CTHRC1: variants seen among roughly 807,000 people sequenced by gnomAD.
CTHRC1 encodes collagen triple helix repeat containing 1.
In CTHRC1, 21 loss-of-function variants were observed where a neutral mutation model predicts 25.9. The observed-to-expected ratio is 0.81, with a 90% CI of 0.57 to 1.17. CTHRC1 has a LOEUF of 1.17. Among genes scored for constraint, CTHRC1 ranks in the 50% most tolerant of loss-of-function variants. The probability of loss-of-function intolerance (pLI) is 0.00; values close to 1 mark genes in which losing one functional copy is unlikely to be tolerated. For missense variants in CTHRC1, 281 were observed against 304.3 expected (o/e 0.92, Z 0.57); for synonymous variants, 109 against 113.1 (o/e 0.96, Z 0.23).
chr8:103,376,723 T>C (rs1815812419), intron 2 of CTHRC1, among the ~76,000 whole-genome samples: 1 of 152,188 alleles, frequency 6.6e-6, no homozygotes, highest in African/African-American at 2.4e-5. Flanking sequence ...CATCAAGCAA[T>C]TACAAGAAAT....
Position 103,382,590 on chromosome 8 carries a change from T to C in CTHRC1, c.722T>C (p.Leu241Pro). The change falls in exon 4 of 4, where the codon CTA becomes CCA. Residue 241 changes from leucine (L) to proline (P), a missense_variant. Physicochemically the swap from Leu to Pro is moderately conservative, Grantham distance 98. Transcript: ENST00000330295. ...NSVSRIIIEE[L>P]PK The stretch of plus-strand genomic sequence containing the variant: ...GTTTCTCGCATCATTATTGAAGAAC[T>C]ACCAAAATAAATGCTTTAATTTTCA... The C allele has an allele frequency of 6.2e-7, 1 of 1,612,848 alleles. No homozygotes were observed. Among genetic ancestry groups the C allele is most frequent in the Non-Finnish European group, 8.5e-7 (1 of 1,178,918 alleles).
At chr8:103,377,957 C>A in intron 2 of CTHRC1, 70 bp from the exon 3 acceptor site, 1 of 1,273,032 alleles carries the variant, frequency 7.9e-7, no homozygotes, top group Non-Finnish European at 1.1e-6. Flanking sequence ...GTAAAATTCA[C>A]CAGTCTCAAA....
At chr8:103,379,717 G>A (rs1360866661) in intron 3 of CTHRC1, among the ~76,000 whole-genome samples, 1 of 152,152 alleles carries the variant, frequency 6.6e-6, no homozygotes. Context: ...AAAAATGGTT[G>A]AGGGGAGGGA....
chr8:103,371,827 C>T (rs1815710000), intron 1 of CTHRC1, 21 bp downstream of exon 1: 4 of 1,481,464 alleles, frequency 2.7e-6, no homozygotes, highest in Non-Finnish European at 3.6e-6. Context: ...GGGAGCCGAG[C>T]CGGGACCGCC....
At chr8:103,382,430 A>G (rs1258219345) in intron 3 of CTHRC1, 28 bp from the exon 4 acceptor site, 2 of 1,612,790 alleles carry the variant, frequency 1.2e-6, no homozygotes, top group African/African-American at 2.7e-5. Flanking sequence ...TTCTAAAGAA[A>G]GATGTAACTT....
chr8:103,381,472 T>C (rs575987865), intron 3 of CTHRC1, among the ~76,000 whole-genome samples: 2 of 72,448 alleles, frequency 2.8e-5, no homozygotes, highest in South Asian at 4.6e-4. Flanking sequence ...TTTTTTTTTT[T>C]AATTTAAGAG....
At chr8:103,381,772 G>A (rs1815915761) in intron 3 of CTHRC1, among the ~76,000 whole-genome samples, 1 of 152,164 alleles carries the variant, frequency 6.6e-6, no homozygotes, top group South Asian at 2.1e-4. Context: ...GCCGAAGTGG[G>A]TAAATCACGA....
chr8:103,372,789 C>G (rs758065888), intron 1 of CTHRC1: 31 of 631,732 alleles, frequency 4.9e-5, no homozygotes, highest in Non-Finnish European at 6.8e-5. Flanking sequence ...AAACTTCAGT[C>G]TCACTTGCAG....
chr8:103,375,016 G>T (rs1231005000), intron 1 of CTHRC1, among the ~76,000 whole-genome samples: 3 of 152,130 alleles, frequency 2.0e-5, no homozygotes, highest in Non-Finnish European at 4.4e-5. Context: ...ATTGTGGATG[G>T]TCCCCTATTG....
At chr8:103,380,759 G>A (rs1332347195) in intron 3 of CTHRC1, among the ~76,000 whole-genome samples, 3 of 152,218 alleles carry the variant, frequency 2.0e-5, no homozygotes, top group African/African-American at 7.2e-5. Flanking sequence ...GTAGGGGGAA[G>A]TGAACAAGTT....
chr8:103,371,899 G>A, intron 1 of CTHRC1, 93 bp downstream of exon 1: 3 of 1,278,780 alleles, frequency 2.3e-6, no homozygotes, highest in East Asian at 5.7e-5. Context: ...GGCTGTTGGG[G>A]GTGTCTGTCT....
At chr8:103,382,372 AC>A in intron 3 of CTHRC1, 85 bp from the exon 4 acceptor site, 1 of 1,391,724 alleles carries the variant, frequency 7.2e-7, no homozygotes. Flanking sequence ...AGAATTACAA[AC>A]TAGCTTTCTG....
chr8:103,375,530 G>A (rs559307093), intron 1 of CTHRC1, among the ~76,000 whole-genome samples: 2 of 152,236 alleles, frequency 1.3e-5, no homozygotes, highest in African/African-American at 4.8e-5. Context: ...TGCGTGTAAA[G>A]TCTGTGCACT....
chr8:103,375,643 A>G, intron 1 of CTHRC1, 95 bp from the exon 2 acceptor site: 1 of 1,030,524 alleles, frequency 9.7e-7, no homozygotes, highest in Non-Finnish European at 1.5e-6. Context: ...GGGATTCTTG[A>G]CTCCAAGGGC....
chr8:103,371,859 C>T (rs1815710796), intron 1 of CTHRC1, 53 bp downstream of exon 1: 4 of 1,448,016 alleles, frequency 2.8e-6, no homozygotes, highest in Middle Eastern at 2.3e-4. Context: ...GGGGACCTGG[C>T]CGCGCGCCCC....
chr8:103,372,000 C>T (rs973358157), intron 1 of CTHRC1, among the ~76,000 whole-genome samples, 194 bp downstream of exon 1: 2 of 152,200 alleles, frequency 1.3e-5, no homozygotes, highest in African/African-American at 4.8e-5. Flanking sequence ...TGCAGTGAGT[C>T]TTGGAACTCA....
At chr8:103,375,307 T>TAAA (rs529342664) in intron 1 of CTHRC1, among the ~76,000 whole-genome samples, 2 of 152,074 alleles carry the variant, frequency 1.3e-5, no homozygotes, top group African/African-American at 4.8e-5. Flanking sequence ...ATATTCATAA[T>TAAA]AAAAAAAGTA....
Position 103,375,767 on chromosome 8 carries a change from A to G in CTHRC1, c.180A>G (p.Ala60=), listed in dbSNP as rs747437502. 1 of 1,614,154 alleles carries G rather than the reference A, an allele frequency of 6.2e-7. No individual in the cohort carries two copies. The highest frequency in any genetic ancestry group is 1.1e-5 in the South Asian group (1 of 91,082). Residue 60 remains alanine (A), a synonymous_variant, in exon 2 of 4, where the codon GCA becomes GCG. Coordinates refer to ENST00000330295, the MANE Select transcript of CTHRC1 (RefSeq NM_138455.4). Reference sequence around the variant, plus strand: ...ATGGAATGTGCTTACAAGGGCCAGCAGGAGTGCCTGGTCGAGACGGGAGCC... The same window carrying G: ...ATGGAATGTGCTTACAAGGGCCAGCGGGAGTGCCTGGTCGAGACGGGAGCC... ...LYNGMCLQGP[A]GVPGRDGSPG...
At position 103,382,631 on chromosome 8, in the gene CTHRC1, T is replaced by C. The variant is rs1227536496; in HGVS notation, c.*31T>C. On this transcript the variant is annotated 3_prime_UTR_variant, in exon 4 of 4. Coordinates refer to ENST00000330295, the MANE Select transcript of CTHRC1 (RefSeq NM_138455.4). ...TTAATTTTCATTTGCTACCTCTTTTTTTATTATGCCTTGGAATGGTTCACT... is the reference window on the plus strand; with the variant it reads ...TTAATTTTCATTTGCTACCTCTTTTCTTATTATGCCTTGGAATGGTTCACT... The C allele has an allele frequency of 6.4e-7, 1 of 1,568,366 alleles. No homozygotes were observed. The highest frequency in any genetic ancestry group is 8.8e-7 in the Non-Finnish European group (1 of 1,138,810).
Sources: allele counts gnomAD v4.1 joint callset (sites outside exome capture counted in the v4.1 genomes callset), GRCh38; gene constraint gnomAD v4.1.1; transcripts MANE v1.5; gene names NCBI Gene and HGNC (gene_info 2026-07-23, HGNC 2026-07-21).